KIAA1217: variants seen among roughly 807,000 people sequenced by gnomAD.
KIAA1217 encodes the protein KIAA1217.
A neutral mutation model predicts 163.9 loss-of-function variants in KIAA1217; 88 were observed. The ratio of observed to expected loss-of-function variants is 0.54; its 90% CI spans 0.45 to 0.64. The LOEUF (loss-of-function observed/expected upper bound fraction) is 0.64, where lower values mean the gene tolerates loss of function less well. KIAA1217 is among the 30% of genes least tolerant of loss of function. KIAA1217 has a pLI of 0.00. For synonymous variants in KIAA1217, 903 were observed against 923.1 expected, an observed-to-expected ratio of 0.98 and a Z score of 0.39; for missense variants, 2,372 against 2,475.0, an observed-to-expected ratio of 0.96 and a Z score of 0.88.
At chr10:24,481,772 G>A (rs567511040) in intron 6 of KIAA1217, 2 of 152,248 alleles carry the variant, frequency 1.3e-5, no homozygotes, top group South Asian at 4.1e-4. Flanking sequence ...TATGAATTCA[G>A]AAAAGGGAAC....
chr10:23,874,879 G>A (rs58972173), intron 1 of KIAA1217, among the ~76,000 whole-genome samples: 1 of 152,002 alleles, frequency 6.6e-6, no homozygotes, highest in Non-Finnish European at 1.5e-5. Context: ...AAGGAAAAGA[G>A]GTTTATTTTG....
chr10:23,955,115 G>T (rs901686645), intron 1 of KIAA1217, among the ~76,000 whole-genome samples: 3 of 152,118 alleles, frequency 2.0e-5, no homozygotes, highest in Non-Finnish European at 4.4e-5. Context: ...ACAACCACCT[G>T]ATTGAAGCAG....
chr10:23,761,108 CTA>C (rs1442231452), intron 1 of KIAA1217, among the ~76,000 whole-genome samples: 1 of 151,770 alleles, frequency 6.6e-6, no homozygotes, highest in Non-Finnish European at 1.5e-5. Flanking sequence ...AAAATGAAAA[CTA>C]AAAAAATTAG....
At chr10:23,945,601 A>G (rs1843994883) in intron 1 of KIAA1217, among the ~76,000 whole-genome samples, 1 of 152,162 alleles carries the variant, frequency 6.6e-6, no homozygotes, top group African/African-American at 2.4e-5. Context: ...GATCTGTGCA[A>G]TGCAAATTTT....
At chr10:24,292,837 T>C (rs2079224384) in intron 2 of KIAA1217, among the ~76,000 whole-genome samples, 1 of 150,666 alleles carries the variant, frequency 6.6e-6, no homozygotes, top group East Asian at 2.0e-4. Flanking sequence ...TCATGGTGAG[T>C]GGAGAGGGAA....
chr10:24,026,742 A>ATTTTTTTT, intron 2 of KIAA1217, among the ~76,000 whole-genome samples: 5 of 70,090 alleles, frequency 7.1e-5, no homozygotes, highest in Non-Finnish European at 8.2e-5. Context: ...TATTTCATTG[A>ATTTTTTTT]TTTTTTTTTT....
At chr10:23,975,322 T>C (rs1032783889) in intron 1 of KIAA1217, among the ~76,000 whole-genome samples, 2 of 152,110 alleles carry the variant, frequency 1.3e-5, no homozygotes, top group Non-Finnish European at 2.9e-5. Flanking sequence ...TTCAGGGAAA[T>C]GCTTGGCTGG....
At chr10:23,998,340 A>G (rs1846592035) in intron 1 of KIAA1217, among the ~76,000 whole-genome samples, 1 of 152,188 alleles carries the variant, frequency 6.6e-6, no homozygotes, top group Non-Finnish European at 1.5e-5. Context: ...GGACCCCAAG[A>G]GGTTGTCTGG....
intron 1 of KIAA1217, among the ~76,000 whole-genome samples, chr10:24,002,328 T>G (rs1172929417): frequency 6.6e-6 from 1 of 152,194 alleles, no homozygotes; most frequent in Non-Finnish European, 1.5e-5. Flanking sequence ...AGGCATAGGT[T>G]GTCCAGGGCT....
intron 1 of KIAA1217, among the ~76,000 whole-genome samples, chr10:23,897,928 AT>A (rs1352915961): frequency 5.9e-5 from 9 of 151,790 alleles, no homozygotes; most frequent in Admixed American, 2.0e-4. Context: ...CAATTTTTAA[AT>A]TTTTTTTTAA....
intron 2 of KIAA1217, among the ~76,000 whole-genome samples, chr10:24,252,918 T>C (rs1161942952): frequency 1.3e-5 from 2 of 151,614 alleles, no homozygotes; most frequent in Admixed American, 6.6e-5. Context: ...TTTGGGAGGC[T>C]GAGGCAGAAA....
intron 1 of KIAA1217, among the ~76,000 whole-genome samples, chr10:23,742,495 G>A (rs544741884): frequency 2.2e-4 from 34 of 152,262 alleles, no homozygotes; most frequent in South Asian, 4.2e-4. Flanking sequence ...TTCTGGGGAG[G>A]GCTTGGGGAG....
intron 1 of KIAA1217, among the ~76,000 whole-genome samples, chr10:23,719,272 G>A (rs577703973): frequency 1.2e-4 from 18 of 152,236 alleles, no homozygotes; most frequent in Non-Finnish European, 5.9e-5. Context: ...GCCCCAAAAC[G>A]TCTTAATTGA....
intron 2 of KIAA1217, among the ~76,000 whole-genome samples, chr10:24,098,718 G>A (rs547884612): frequency 3.2e-5 from 4 of 124,216 alleles, no homozygotes; most frequent in African/African-American, 8.7e-5. Context: ...CCCCTCTGAA[G>A]GGGAGCGTGT....
intron 2 of KIAA1217, among the ~76,000 whole-genome samples, chr10:24,116,339 T>A (rs538687893): frequency 1.3e-3 from 193 of 152,074 alleles, no homozygotes; most frequent in Non-Finnish European, 2.0e-3. Context: ...AGAGGAGGAG[T>A]CTGAAAACTT....
At chr10:24,287,373 A>T (rs2078648294) in intron 2 of KIAA1217, among the ~76,000 whole-genome samples, 1 of 152,148 alleles carries the variant, frequency 6.6e-6, no homozygotes, top group South Asian at 2.1e-4. Flanking sequence ...TTGAATCAGG[A>T]TGCCTAGGTC....
At chr10:24,302,420 G>T (rs2041477648) in intron 2 of KIAA1217, among the ~76,000 whole-genome samples, 2 of 152,120 alleles carry the variant, frequency 1.3e-5, no homozygotes, top group African/African-American at 4.8e-5. Context: ...TTGCTGTCAG[G>T]TGCATCTCTA....
At chr10:23,978,408 A>C (rs11013821) in intron 1 of KIAA1217, among the ~76,000 whole-genome samples, 31,305 of 152,102 alleles carry the variant, frequency 0.21, 3,527 homozygotes, top group Middle Eastern at 0.3. Context: ...GAAACAAGGA[A>C]AATGTGTGGG....
At chr10:23,816,427 G>C (rs2130998003) in intron 1 of KIAA1217, among the ~76,000 whole-genome samples, 1 of 149,264 alleles carries the variant, frequency 6.7e-6, no homozygotes, top group African/African-American at 2.4e-5. Flanking sequence ...CAAGTAGCTG[G>C]GATTACAGGC....
Sources: allele counts gnomAD v4.1 joint callset (sites outside exome capture counted in the v4.1 genomes callset), GRCh38; gene constraint gnomAD v4.1.1; transcripts MANE v1.5; gene names NCBI Gene and HGNC (gene_info 2026-07-23, HGNC 2026-07-21).